CTNNA3: variants seen among roughly 807,000 people sequenced by gnomAD.
CTNNA3 encodes catenin alpha-3.
A neutral mutation model predicts 95.7 loss-of-function variants in CTNNA3; 76 were observed. That is an observed-to-expected ratio of 0.79 (90% CI 0.66 to 0.96). The LOEUF (loss-of-function observed/expected upper bound fraction) is 0.96. Among genes scored for constraint, CTNNA3 ranks in the 40% least tolerant of loss-of-function variants. CTNNA3 has a pLI of 0.00. For missense variants in CTNNA3, 1,191 were observed against 1,089.8 expected, an observed-to-expected ratio of 1.09 and a Z score of -1.31; for synonymous variants, 431 against 374.4, an observed-to-expected ratio of 1.15 and a Z score of -1.74.
intron 17 of CTNNA3, among the ~76,000 whole-genome samples, chr10:65,930,883 G>A (rs1170506182): frequency 6.6e-6 from 1 of 152,238 alleles, no homozygotes; most frequent in East Asian, 1.9e-4. Context: ...GAAAATAGAG[G>A]CTGCAAGAGC....
At chr10:67,033,605 GT>G (rs1474010369) in intron 7 of CTNNA3, among the ~76,000 whole-genome samples, 6 of 152,228 alleles carry the variant, frequency 3.9e-5, no homozygotes, top group Admixed American at 3.9e-4. Flanking sequence ...ACTACATATT[GT>G]AACTCATTTA....
rs147430269 is a variant in CTNNA3 at position 66,246,835 on chromosome 10, G to A, written c.1884+33635C>T. ...TGGGAGGCCAAGGCAGGTGGATCAC[G>A]AGGTCAAGAGATCAAGACCATCCTG... is the stretch of plus-strand genomic sequence containing the variant. On this transcript the variant is annotated intron_variant, in intron 13 of 17. Transcript: ENST00000433211. 8.2e-4 allele frequency among the ~76,000 whole-genome samples: 124 copies of A among 151,838 alleles called. 1 individual carries two copies. The East Asian group carries it at 0.023, about 28-fold the overall frequency.
intron 15 of CTNNA3, among the ~76,000 whole-genome samples, chr10:66,059,139 T>C (rs1227147460): frequency 1.3e-5 from 2 of 152,086 alleles, no homozygotes; most frequent in African/African-American, 4.8e-5. Context: ...TAAATATTGA[T>C]CTTCATATTT....
chr10:66,201,637 C>A (rs997209387), intron 13 of CTNNA3, among the ~76,000 whole-genome samples: 1 of 152,046 alleles, frequency 6.6e-6, no homozygotes, highest in African/African-American at 2.4e-5. Flanking sequence ...TACGGTAATA[C>A]CCTTATTTCT....
intron 10 of CTNNA3, among the ~76,000 whole-genome samples, chr10:66,540,389 G>A (rs987636214): frequency 6.6e-6 from 1 of 152,126 alleles, no homozygotes; most frequent in Admixed American, 6.6e-5. Context: ...TCTGTGAGAT[G>A]AGCAGAAACT....
At chr10:66,280,267 G>GT (rs1218460026) in intron 13 of CTNNA3, among the ~76,000 whole-genome samples, 3 of 152,010 alleles carry the variant, frequency 2.0e-5, no homozygotes, top group Non-Finnish European at 4.4e-5. Context: ...ACTCATTTGT[G>GT]TAAGTTATAA....
At chr10:66,315,433 T>C (rs566645921) in intron 12 of CTNNA3, among the ~76,000 whole-genome samples, 1 of 152,010 alleles carries the variant, frequency 6.6e-6, no homozygotes, top group South Asian at 2.1e-4. Context: ...TCAAAGGAGT[T>C]GAATGACAAG....
chr10:66,178,413 A>ATGTG (rs1224317423), intron 13 of CTNNA3, among the ~76,000 whole-genome samples: 1 of 47,642 alleles, frequency 2.1e-5, no homozygotes, highest in African/African-American at 1.1e-4. Context: ...ATATATATAT[A>ATGTG]TATATATATA....
intron 11 of CTNNA3, among the ~76,000 whole-genome samples, chr10:66,392,100 A>G (rs1170951405): frequency 6.6e-6 from 1 of 152,058 alleles, no homozygotes; most frequent in African/African-American, 2.4e-5. Flanking sequence ...GGACTTCGTA[A>G]AAATTTAAAA....
intron 12 of CTNNA3, among the ~76,000 whole-genome samples, chr10:66,337,836 T>C (rs1312257592): frequency 6.6e-6 from 1 of 152,024 alleles, no homozygotes; most frequent in East Asian, 1.9e-4. Flanking sequence ...TGGAAAACAG[T>C]ATGGCAGTTC....
intron 17 of CTNNA3, among the ~76,000 whole-genome samples, chr10:65,956,367 G>T (rs542059622): frequency 1.3e-5 from 2 of 152,194 alleles, no homozygotes; most frequent in South Asian, 2.1e-4. Flanking sequence ...TTTTTGAAGG[G>T]TTTTTTGTGT....
intron 13 of CTNNA3, among the ~76,000 whole-genome samples, chr10:66,158,145 G>A (rs1178892637): frequency 2.0e-5 from 3 of 152,006 alleles, no homozygotes; most frequent in South Asian, 2.1e-4. Context: ...TCCTTTGGCC[G>A]TGCAAAAGCT....
intron 10 of CTNNA3, among the ~76,000 whole-genome samples, chr10:66,561,419 G>A (rs535206677): frequency 1.2e-4 from 18 of 152,152 alleles, no homozygotes; most frequent in Admixed American, 1.2e-3. Flanking sequence ...CTTAATTAAT[G>A]CTCACAGGAA....
chr10:66,295,638 A>G (rs927310124), intron 12 of CTNNA3, among the ~76,000 whole-genome samples: 2 of 152,076 alleles, frequency 1.3e-5, no homozygotes, highest in African/African-American at 4.8e-5. Flanking sequence ...TCAAAACCAG[A>G]CTCAGCTGAC....
chr10:67,393,659 T>C (rs1294862348), intron 5 of CTNNA3, among the ~76,000 whole-genome samples: 3 of 152,112 alleles, frequency 2.0e-5, no homozygotes, highest in African/African-American at 7.2e-5. Flanking sequence ...AATGCTTCTA[T>C]CAAGTGATAA....
chr10:67,138,898 G>A (rs910779571), intron 7 of CTNNA3, among the ~76,000 whole-genome samples: 2 of 152,034 alleles, frequency 1.3e-5, no homozygotes, highest in Non-Finnish European at 2.9e-5. Context: ...CAGTGGACAG[G>A]GCACTTTAAA....
At chr10:67,296,286 C>A (rs572694194) in intron 5 of CTNNA3, among the ~76,000 whole-genome samples, 1 of 152,248 alleles carries the variant, frequency 6.6e-6, no homozygotes, top group Non-Finnish European at 1.5e-5. Context: ...TATCGCCTAC[C>A]TAGCTCTATG....
intron 1 of CTNNA3, chr10:67,648,770 T>G: frequency 3.9e-6 from 5 of 1,289,760 alleles, no homozygotes; most frequent in Non-Finnish European, 5.1e-6. Flanking sequence ...GTTGATTTCA[T>G]TCTCCTTCTA....
At chr10:67,348,786 T>C (rs1485286869) in intron 5 of CTNNA3, among the ~76,000 whole-genome samples, 1 of 152,112 alleles carries the variant, frequency 6.6e-6, no homozygotes, top group Non-Finnish European at 1.5e-5. Flanking sequence ...CAACGTGAGA[T>C]TTGGAGGGGA....
Sources: gnomAD v4.1 joint callset for allele counts (sites outside exome capture counted in the v4.1 genomes callset) on GRCh38, gnomAD v4.1.1 for gene constraint, MANE v1.5 for transcripts, NCBI Gene and HGNC (gene_info 2026-07-23, HGNC 2026-07-21) for gene names.